Variants in IKBKB-DT observed in about 807,000 individuals in gnomAD.
The protein encoded by IKBKB-DT is IKBKB divergent transcript.
At chr8:42,261,560 A>T (rs977508675) in intron 3 of IKBKB-DT, among the ~76,000 whole-genome samples, 1 of 152,204 alleles carries the variant, frequency 6.6e-6, no homozygotes, top group African/African-American at 2.4e-5. Flanking sequence ...TGTTATTCAT[A>T]AAAATAACCG....
chr8:42,268,376 C>T (rs1233865122), intron 1 of IKBKB-DT, among the ~76,000 whole-genome samples: 1 of 151,894 alleles, frequency 6.6e-6, no homozygotes, highest in Non-Finnish European at 1.5e-5. Flanking sequence ...ACCTCGTGAT[C>T]TGCCCGCCTT....
At chr8:42,245,791 A>C (rs1046307624) in intron 3 of IKBKB-DT, among the ~76,000 whole-genome samples, 19 of 152,230 alleles carry the variant, frequency 1.2e-4, no homozygotes, top group Middle Eastern at 3.2e-3. Flanking sequence ...CAATATTTAT[A>C]TCTGCTTACT....
chr8:42,235,242 T>C, intron 3 of IKBKB-DT, among the ~76,000 whole-genome samples: 1 of 143,748 alleles, frequency 7.0e-6, no homozygotes, highest in African/African-American at 2.8e-5. Flanking sequence ...TCTCCCTCTG[T>C]CACCCACGCT....
chr8:42,250,103 CAAAT>C (rs906942641), intron 3 of IKBKB-DT, among the ~76,000 whole-genome samples: 21 of 151,996 alleles, frequency 1.4e-4, no homozygotes, highest in African/African-American at 4.8e-4. Context: ...TTTTATTACT[CAAAT>C]AAGTCTCCTA....
chr8:42,245,192 T>C (rs1585461535), intron 3 of IKBKB-DT, among the ~76,000 whole-genome samples: 1 of 151,818 alleles, frequency 6.6e-6, no homozygotes, highest in South Asian at 2.1e-4. Flanking sequence ...GAGGTGGAGG[T>C]TGCAGTTAGC....
chr8:42,269,848 A>G (rs1250270241), intron 1 of IKBKB-DT, among the ~76,000 whole-genome samples: 1 of 152,064 alleles, frequency 6.6e-6, no homozygotes, highest in Admixed American at 6.6e-5. Context: ...CCTCCTTTCT[A>G]TGACTTTCTA....
intron 3 of IKBKB-DT, among the ~76,000 whole-genome samples, chr8:42,253,788 G>A (rs1461164510): frequency 6.6e-6 from 1 of 152,174 alleles, no homozygotes; most frequent in Non-Finnish European, 1.5e-5. Context: ...AAGGAGTCAG[G>A]GTCATTTATA....
intron 3 of IKBKB-DT, chr8:42,255,297 T>C (rs903079173): frequency 3.9e-5 from 6 of 152,206 alleles, no homozygotes; most frequent in Admixed American, 3.9e-4. Flanking sequence ...TACTTTTTAA[T>C]TAAAAAAAAA....
chr8:42,251,839 A>AAAG (rs1554503182), intron 3 of IKBKB-DT, among the ~76,000 whole-genome samples: 1 of 151,312 alleles, frequency 6.6e-6, no homozygotes, highest in African/African-American at 2.4e-5. Flanking sequence ...AAAAAAAAAA[A>AAAG]AAAAGAAAAG....
At chr8:42,234,877 G>A (rs998059870) in intron 3 of IKBKB-DT, among the ~76,000 whole-genome samples, 5 of 152,122 alleles carry the variant, frequency 3.3e-5, no homozygotes, top group African/African-American at 9.7e-5. Flanking sequence ...TGATCTGCCC[G>A]CCTTGGCCTC....
chr8:42,256,423 A>AT (rs1183799430), intron 3 of IKBKB-DT, among the ~76,000 whole-genome samples: 15 of 150,434 alleles, frequency 1.0e-4, no homozygotes, highest in African/African-American at 3.4e-4. Flanking sequence ...AAAAAAAAAA[A>AT]TAGCTGTGGG....
At position 42,264,076 on chromosome 8, in the gene IKBKB-DT, C is replaced by T. The variant is rs1324249563; in HGVS notation, n.1386-604G>A. Among the ~76,000 whole-genome samples the T allele has an allele frequency of 4.7e-5, 7 of 150,248 alleles. No homozygotes were observed. In the East Asian group the frequency reaches 7.8e-4, roughly 17 times the overall value. On this transcript the variant is annotated intron_variant and non_coding_transcript_variant, in intron 2 of 3. Coordinates refer to ENST00000518213, the Ensembl canonical transcript of IKBKB-DT. Reference sequence around the variant, plus strand: ...ATCCACCTGCCTTGGTCTCCCAAAGCGCTGGGATTACAGGTGTGAGCCACT... The same window carrying T: ...ATCCACCTGCCTTGGTCTCCCAAAGTGCTGGGATTACAGGTGTGAGCCACT...
chr8:42,248,148 A>T (rs60019750), intron 3 of IKBKB-DT, among the ~76,000 whole-genome samples: 5,528 of 152,016 alleles, frequency 0.036, 340 homozygotes, highest in African/African-American at 0.13. Flanking sequence ...AAGTTTCCCG[A>T]GGCCTCCCCA....
At chr8:42,249,671 G>A (rs1007455475) in intron 3 of IKBKB-DT, among the ~76,000 whole-genome samples, 2 of 152,018 alleles carry the variant, frequency 1.3e-5, no homozygotes, top group African/African-American at 4.8e-5. Flanking sequence ...CTGTGGCCAG[G>A]GACAAGTTGC....
intron 2 of IKBKB-DT, among the ~76,000 whole-genome samples, chr8:42,264,713 C>T (rs1038327559): frequency 6.6e-6 from 1 of 152,120 alleles, no homozygotes; most frequent in African/African-American, 2.4e-5. Context: ...TGCCCACCAT[C>T]ATGCCCAGCT....
At chr8:42,241,940 G>A (rs945565452) in intron 3 of IKBKB-DT, among the ~76,000 whole-genome samples, 8 of 152,176 alleles carry the variant, frequency 5.3e-5, no homozygotes, top group African/African-American at 1.4e-4. Flanking sequence ...ATGGCCTGGC[G>A]TGGTGGCTCA....
chr8:42,267,007 T>G lies in IKBKB-DT; in HGVS notation n.604-611A>C, dbSNP rs1409184731. ...TTTTTTTGTTTGTTTTTTTTTTGTTTTTTTTTTTTTTGAGGTGGAGTCTCG... is the reference window on the plus strand; with the variant it reads ...TTTTTTTGTTTGTTTTTTTTTTGTTGTTTTTTTTTTTGAGGTGGAGTCTCG... On this transcript the variant is annotated intron_variant and non_coding_transcript_variant, in intron 1 of 3. Transcript: ENST00000518213. Among the ~76,000 whole-genome samples the G allele has an allele frequency of 6.1e-5, 9 of 146,354 alleles. 1 individual carries two copies. Among genetic ancestry groups the G allele is most frequent in the African/African-American group, 1.3e-4 (5 of 37,328 alleles).
chr8:42,266,892 C>CATAA, intron 1 of IKBKB-DT, among the ~76,000 whole-genome samples: 1 of 151,998 alleles, frequency 6.6e-6, no homozygotes, highest in African/African-American at 2.4e-5. Flanking sequence ...CCTTGTTTAG[C>CATAA]ATAAATAAAT....
chr8:42,236,966 C>T (rs1806931500), intron 3 of IKBKB-DT, among the ~76,000 whole-genome samples: 1 of 151,980 alleles, frequency 6.6e-6, no homozygotes, highest in African/African-American at 2.4e-5. Flanking sequence ...GTAATCCTTC[C>T]ACCTCGGCCT....
Sources: gnomAD v4.1 joint callset for allele counts (sites outside exome capture counted in the v4.1 genomes callset) on GRCh38, gnomAD v4.1.1 for gene constraint, MANE v1.5 for transcripts, NCBI Gene and HGNC (gene_info 2026-07-23, HGNC 2026-07-21) for gene names.